PPP2R2B: variants seen among roughly 807,000 people sequenced by gnomAD.
The protein encoded by PPP2R2B is protein phosphatase 2 regulatory subunit Bbeta.
A neutral mutation model predicts 46.0 loss-of-function variants in PPP2R2B; 5 were observed. The observed-to-expected ratio is 0.11, with a 90% confidence interval of 0.06 to 0.23. PPP2R2B has a LOEUF of 0.23. PPP2R2B is among the 10% of genes least tolerant of loss of function. The pLI is 1.00. For synonymous variants in PPP2R2B, 215 were observed against 206.7 expected (o/e 1.04, Z -0.34); for missense variants, 367 against 575.0 (o/e 0.64, Z 3.70).
At chr5:146,615,621 C>T (rs1773097909) in intron 7 of PPP2R2B, among the ~76,000 whole-genome samples, 2 of 150,328 alleles carry the variant, frequency 1.3e-5, no homozygotes, top group Non-Finnish European at 3.0e-5. Context: ...AGCAAATAAT[C>T]TCAAGAAATT....
At chr5:146,877,829 C>G (rs1437538898) in intron 2 of PPP2R2B, among the ~76,000 whole-genome samples, 173 bp downstream of exon 2, 1 of 152,178 alleles carries the variant, frequency 6.6e-6, no homozygotes, top group Non-Finnish European at 1.5e-5. Context: ...GCTCGCCTCG[C>G]GGAGCCCGGA....
intron 2 of PPP2R2B, among the ~76,000 whole-genome samples, chr5:146,872,104 C>G (rs1165828902): frequency 1.3e-5 from 2 of 152,116 alleles, no homozygotes; most frequent in Non-Finnish European, 2.9e-5. Context: ...TTGGGCATTA[C>G]CAATATTTTG....
chr5:146,913,446 C>T (rs1763263425), intron 1 of PPP2R2B, among the ~76,000 whole-genome samples: 1 of 152,132 alleles, frequency 6.6e-6, no homozygotes, highest in African/African-American at 2.4e-5. Flanking sequence ...AAGTTCTATG[C>T]TTAGTAAAAA....
chr5:146,730,960 C>G (rs905384999), intron 2 of PPP2R2B, among the ~76,000 whole-genome samples: 3 of 152,108 alleles, frequency 2.0e-5, no homozygotes, highest in Admixed American at 6.5e-5. Flanking sequence ...ACCGATGAGG[C>G]CTTCGAGGCT....
At chr5:147,009,828 C>T (rs1444400401) in intron 1 of PPP2R2B, among the ~76,000 whole-genome samples, 1 of 150,938 alleles carries the variant, frequency 6.6e-6, no homozygotes, top group Non-Finnish European at 1.5e-5. Context: ...CTTTCTGAGG[C>T]ACATTTATAC....
At chr5:147,024,123 C>T (rs562748800) in intron 1 of PPP2R2B, among the ~76,000 whole-genome samples, 137 of 152,064 alleles carry the variant, frequency 9.0e-4, no homozygotes, top group African/African-American at 3.1e-3. Context: ...TCCATAATTG[C>T]GTGAGCCAAT....
intron 2 of PPP2R2B, among the ~76,000 whole-genome samples, chr5:146,703,545 T>G (rs1779660747): frequency 6.6e-6 from 1 of 152,186 alleles, no homozygotes; most frequent in Admixed American, 6.5e-5. Flanking sequence ...AAGTTGGGTA[T>G]CAGAAGAGAG....
In PPP2R2B at chr5:146,871,468, A is replaced by T. The variant is rs137995008; in HGVS notation, c.70+6534T>A. ...TCAAAAAACTCCAGCTAGTTCTCAC[A>T]TCTTGATTGCTCAATTCCATAAACA... On this transcript the variant is annotated intron_variant, in intron 2 of 9. Coordinates refer to ENST00000394411, the MANE Select transcript of PPP2R2B (RefSeq NM_181675.4). 2.4e-3 allele frequency among the ~76,000 whole-genome samples: 370 copies of T among 152,366 alleles called. 2 individuals carry two copies. The highest frequency in any genetic ancestry group is 8.5e-3 in the African/African-American group (353 of 41,584).
rs974657798 is a variant in PPP2R2B at position 146,638,402 on chromosome 5, A to G, written c.639T>C (p.Ile213=). The G allele has an allele frequency of 3.7e-6, 6 of 1,609,158 alleles. No individual in the cohort carries two copies. The African/African-American group carries it at 8.0e-5, about 21-fold the overall frequency. Residue 213 remains isoleucine (I), a synonymous_variant, in exon 7 of 10, where the codon ATT becomes ATC. Coordinates refer to ENST00000394411, the MANE Select transcript of PPP2R2B (RefSeq NM_181675.4). ...TGAGCTCCTCCATGTTGGCTGGCTT[A>G]ATGTCCACAATATCTGGCACAGACG... The part of the protein sequence containing the change: ...ITNQSFNIVD[I]KPANMEELTE...
intron 2 of PPP2R2B, among the ~76,000 whole-genome samples, chr5:147,075,306 C>T (rs1041560624): frequency 2.6e-5 from 4 of 152,122 alleles, no homozygotes; most frequent in Admixed American, 2.6e-4. Context: ...TGCAATAACT[C>T]AACTAAGTCA....
At position 147,030,732 on chromosome 5, in the gene PPP2R2B, G is replaced by A. The variant is rs533176753; in HGVS notation, c.79+24933C>T. On this transcript the variant is annotated intron_variant, in intron 1 of 8. Coordinates refer to the PPP2R2B transcript ENST00000336640. The stretch of plus-strand genomic sequence containing the variant: ...TAGCTATCTTACTACTTCCCCGAAA[G>A]TCTAAGAGAGCTTAATAACTTTAAC... 1.2e-3 allele frequency among the ~76,000 whole-genome samples: 187 copies of A among 152,178 alleles called. 3 individuals are homozygous for A. Among genetic ancestry groups the A allele is most frequent in the African/African-American group, 4.4e-3 (183 of 41,522 alleles).
rs781418167 is a variant in PPP2R2B at position 146,878,501 on chromosome 5, C to G, written c.-125+90G>C. 155 of 1,319,280 alleles carry G rather than the reference C, an allele frequency of 1.2e-4. No homozygotes were observed. The highest frequency in any genetic ancestry group is 1.4e-4 in the Non-Finnish European group (143 of 1,025,150). 81.7% of individuals were successfully genotyped at this position (1,319,280 alleles called of 1,614,324 possible). A position where few individuals can be genotyped will look rare whatever the true frequency, so the allele number is the denominator to read the frequency against. On this transcript the variant is annotated intron_variant, in intron 1 of 9. Transcript: ENST00000394411. The surrounding 1 kb of genome is among the most constrained non-coding windows in gnomAD (Gnocchi z 4.5). ...CAAAATGCAAAAAAGATCCCTCCTCCCCCTGGGAGAGCGGGCAGCCGCGAC... is the reference window on the plus strand; with the variant it reads ...CAAAATGCAAAAAAGATCCCTCCTCGCCCTGGGAGAGCGGGCAGCCGCGAC...
chr5:147,049,360 T>C (rs1398910233), intron 1 of PPP2R2B, among the ~76,000 whole-genome samples: 1 of 152,062 alleles, frequency 6.6e-6, no homozygotes, highest in African/African-American at 2.4e-5. Flanking sequence ...TGGAGAAGAA[T>C]ACTGCACAAA....
intron 2 of PPP2R2B, among the ~76,000 whole-genome samples, chr5:146,810,443 G>A (rs753069943): frequency 9.2e-5 from 14 of 152,090 alleles, no homozygotes; most frequent in South Asian, 2.1e-4. Flanking sequence ...GTTATATTCC[G>A]CTGGGTCCAT....
chr5:147,011,294 T>G (rs903598567), intron 1 of PPP2R2B, among the ~76,000 whole-genome samples: 1 of 151,018 alleles, frequency 6.6e-6, no homozygotes, highest in African/African-American at 2.5e-5. Flanking sequence ...TTTAAAATTA[T>G]AAATGCCCCC....
Position 146,779,670 on chromosome 5 carries a change from C to T in PPP2R2B, c.71-78528G>A, listed in dbSNP as rs76620464. 1.4e-3 allele frequency among the ~76,000 whole-genome samples: 209 copies of T among 152,232 alleles called. 4 individuals carry two copies. In the South Asian group the frequency reaches 0.041, roughly 30 times the overall value. ...CTGCAATGACCTTATAGCTCATAAA[C>T]ATTATAGATGCATGCTTGGTCATAG... On this transcript the variant is annotated intron_variant, in intron 2 of 9. Transcript: ENST00000394411.
At chr5:146,781,768 A>G (rs958517413) in intron 2 of PPP2R2B, among the ~76,000 whole-genome samples, 3 of 152,212 alleles carry the variant, frequency 2.0e-5, no homozygotes, top group Admixed American at 6.5e-5. Context: ...TCAGGATATT[A>G]CAACCAGACT....
At chr5:146,765,148 A>G (rs1311895754) in intron 2 of PPP2R2B, among the ~76,000 whole-genome samples, 1 of 152,224 alleles carries the variant, frequency 6.6e-6, no homozygotes. Context: ...AAAATGTGAT[A>G]TCAAATTTTA....
chr5:146,590,385 G>GTT (rs373740293), intron 9 of PPP2R2B, among the ~76,000 whole-genome samples, 159 bp from the exon 10 acceptor site: 6 of 117,676 alleles, frequency 5.1e-5, no homozygotes, highest in Non-Finnish European at 9.3e-5. Flanking sequence ...TTGGCTTTTT[G>GTT]TTTTTTTTTT....
Sources: allele counts gnomAD v4.1 joint callset (sites outside exome capture counted in the v4.1 genomes callset), GRCh38; gene constraint gnomAD v4.1.1; non-coding constraint Gnocchi (gnomAD v3.1); transcripts MANE v1.5; gene names NCBI Gene and HGNC (gene_info 2026-07-23, HGNC 2026-07-21).